Variants in FAT3 observed in about 807,000 individuals in gnomAD.
The protein encoded by FAT3 is FAT atypical cadherin 3.
Under a neutral mutation model 310.2 loss-of-function variants are expected in FAT3, and 95 were observed. The ratio of observed to expected loss-of-function variants is 0.31; its 90% CI spans 0.26 to 0.36. The LOEUF is 0.36. Ranked by LOEUF, FAT3 falls within the 10% of genes least tolerant of loss-of-function variation. The pLI, the probability that FAT3 is intolerant of heterozygous loss-of-function variation, is 1.00. For missense variants in FAT3, 5,408 were observed against 5,715.6 expected (o/e 0.95, Z 1.74); for synonymous variants, 2,314 against 2,192.9 (o/e 1.06, Z -1.54).
At chr11:92,543,326 G>A (rs1214235313) in intron 3 of FAT3, among the ~76,000 whole-genome samples, 1 of 152,108 alleles carries the variant, frequency 6.6e-6, no homozygotes, top group African/African-American at 2.4e-5. Context: ...TAGAAGACAG[G>A]ATTTTGAGTG....
At chr11:92,566,504 A>G (rs1409494314) in intron 3 of FAT3, among the ~76,000 whole-genome samples, 1 of 151,602 alleles carries the variant, frequency 6.6e-6, no homozygotes, top group Non-Finnish European at 1.5e-5. Flanking sequence ...TCAAGCTACC[A>G]ATGACTTTCT....
chr11:92,697,071 C>T (rs903922311), intron 3 of FAT3, among the ~76,000 whole-genome samples: 6 of 152,112 alleles, frequency 3.9e-5, no homozygotes, highest in Admixed American at 2.0e-4. Flanking sequence ...TGTAGAATTT[C>T]AGTCATATGC....
At chr11:92,261,646 C>T (rs1420153969) in intron 1 of FAT3, among the ~76,000 whole-genome samples, 1 of 152,074 alleles carries the variant, frequency 6.6e-6, no homozygotes, top group Non-Finnish European at 1.5e-5. Flanking sequence ...GTACAGCATT[C>T]AATCTAAGGG....
chr11:92,847,658 T>C (rs1006746533), intron 19 of FAT3, among the ~76,000 whole-genome samples: 4 of 152,164 alleles, frequency 2.6e-5, no homozygotes, highest in Admixed American at 6.5e-5. Context: ...ATTCTACACA[T>C]GTAGCCTGGA....
At chr11:92,329,542 C>G (rs528712373) in intron 1 of FAT3, among the ~76,000 whole-genome samples, 250 of 151,736 alleles carry the variant, frequency 1.6e-3, no homozygotes, top group African/African-American at 5.9e-3. Flanking sequence ...ATAAATTACC[C>G]AGCCTCAGGT....
chr11:92,716,252 T>C (rs1792367), intron 4 of FAT3, among the ~76,000 whole-genome samples: 52,974 of 152,056 alleles, frequency 0.35, 9,686 homozygotes, highest in African/African-American at 0.44. Context: ...TTCTTCCTCA[T>C]GGATGTCAGA....
At chr11:92,374,590 T>C (rs1247554824) in intron 2 of FAT3, among the ~76,000 whole-genome samples, 2 of 152,216 alleles carry the variant, frequency 1.3e-5, no homozygotes, top group East Asian at 3.9e-4. Context: ...CTATGAACTG[T>C]AGGAAGAATG....
intron 2 of FAT3, among the ~76,000 whole-genome samples, chr11:92,418,292 T>C (rs1591261460): frequency 6.6e-6 from 1 of 152,078 alleles, no homozygotes; most frequent in East Asian, 1.9e-4. Flanking sequence ...GTGAATGCAT[T>C]TTAGGTAATG....
chr11:92,774,714 G>A (rs1379188136), intron 7 of FAT3, among the ~76,000 whole-genome samples: 1 of 152,136 alleles, frequency 6.6e-6, no homozygotes, highest in Non-Finnish European at 1.5e-5. Context: ...TGTCCTTGCT[G>A]TCTGTATAGT....
At chr11:92,886,268 C>T (rs1246053551) in intron 24 of FAT3, among the ~76,000 whole-genome samples, 2 of 152,126 alleles carry the variant, frequency 1.3e-5, no homozygotes, top group Non-Finnish European at 2.9e-5. Flanking sequence ...CACTTGGCAA[C>T]CTCAAGATAT....
At chr11:92,419,765 T>G (rs1950499012) in intron 2 of FAT3, among the ~76,000 whole-genome samples, 1 of 152,178 alleles carries the variant, frequency 6.6e-6, no homozygotes, top group South Asian at 2.1e-4. Context: ...TTAAAGGAGA[T>G]AAATGAGAAT....
At chr11:92,790,563 A>G (rs1302362177) in intron 8 of FAT3, among the ~76,000 whole-genome samples, 1 of 152,224 alleles carries the variant, frequency 6.6e-6, no homozygotes, top group African/African-American at 2.4e-5. Context: ...AATTGAAAAG[A>G]CATTCCTTAA....
intron 2 of FAT3, among the ~76,000 whole-genome samples, chr11:92,451,156 T>A (rs1365406160): frequency 6.6e-6 from 1 of 152,148 alleles, no homozygotes; most frequent in Non-Finnish European, 1.5e-5. Flanking sequence ...TGAGGGACCT[T>A]GGAAAGAGAA....
intron 2 of FAT3, among the ~76,000 whole-genome samples, chr11:92,358,349 A>G (rs1948788845): frequency 6.6e-6 from 1 of 152,216 alleles, no homozygotes; most frequent in African/African-American, 2.4e-5. Context: ...TTTAAAGGAT[A>G]TAAGCTGTAT....
chr11:92,268,231 C>G lies in FAT3; in HGVS notation c.-18+43057C>G, dbSNP rs117010023. ...ACTGATACTCAGAGAGGTTGAGGAC[C>G]TTGCCCAGGGAAACACAGCAAGAGG... On this transcript the variant is annotated intron_variant, in intron 1 of 27. Transcript: ENST00000525166. 8.3e-4 allele frequency among the ~76,000 whole-genome samples: 126 copies of G among 152,126 alleles called. 1 individual carries two copies. In the East Asian group the frequency reaches 0.022, roughly 27 times the overall value.
chr11:92,740,460 G>A (rs1945476480), intron 4 of FAT3, among the ~76,000 whole-genome samples: 1 of 152,164 alleles, frequency 6.6e-6, no homozygotes, highest in Admixed American at 6.5e-5. Context: ...GGAATGACTA[G>A]AACATTCTTC....
chr11:92,668,964 A>C (rs1216479124), intron 3 of FAT3, among the ~76,000 whole-genome samples: 1 of 152,210 alleles, frequency 6.6e-6, no homozygotes, highest in Non-Finnish European at 1.5e-5. Flanking sequence ...TGAGCTACTC[A>C]GGGCACTTAG....
At chr11:92,507,420 A>G (rs1345656524) in intron 2 of FAT3, among the ~76,000 whole-genome samples, 2 of 152,046 alleles carry the variant, frequency 1.3e-5, no homozygotes, top group African/African-American at 4.8e-5. Context: ...AAGGCAAGGT[A>G]GTTTTGAGGA....
chr11:92,833,800 A>G (rs1948327637), intron 14 of FAT3, among the ~76,000 whole-genome samples: 1 of 152,192 alleles, frequency 6.6e-6, no homozygotes, highest in Non-Finnish European at 1.5e-5. Flanking sequence ...CATTGTATAT[A>G]AACACCATGG....
Sources: allele counts gnomAD v4.1 joint callset (sites outside exome capture counted in the v4.1 genomes callset), GRCh38; gene constraint gnomAD v4.1.1; transcripts MANE v1.5; gene names NCBI Gene and HGNC (gene_info 2026-07-23, HGNC 2026-07-21).